The following CACNB2 variants were observed in gnomAD, a reference collection of about 807,000 sequenced individuals.
CACNB2 encodes calcium voltage-gated channel auxiliary subunit beta 2.
In CACNB2, 42 loss-of-function variants were observed where a neutral mutation model predicts 73.3. That is an observed-to-expected ratio of 0.57 (90% confidence interval 0.45 to 0.74). The LOEUF is 0.74. CACNB2 is among the 30% of genes least tolerant of loss of function. The pLI is 0.00. For synonymous variants in CACNB2, 348 were observed against 310.3 expected, an observed-to-expected ratio of 1.12 and a Z score of -1.28; for missense variants, 940 against 853.0, an observed-to-expected ratio of 1.10 and a Z score of -1.27.
chr10:18,473,326 A>G (rs1466383194), intron 3 of CACNB2, among the ~76,000 whole-genome samples: 1 of 152,236 alleles, frequency 6.6e-6, no homozygotes, highest in African/African-American at 2.4e-5. Context: ...GAATTGATAA[A>G]TACACAGGTA....
intron 2 of CACNB2, among the ~76,000 whole-genome samples, chr10:18,395,067 A>G (rs995074749): frequency 1.6e-4 from 25 of 152,188 alleles, no homozygotes; most frequent in African/African-American, 4.8e-4. Flanking sequence ...TGTGTATTCC[A>G]GGAGTGCCTG....
rs564342955 is a variant in CACNB2, at chr10:18,465,831, C to G, written c.334-32524C>G. ...CGAGTAGCTGGGATTACAGCATCCA[C>G]CACCTCGCCCAGCTAATTTTTGTAT... is the stretch of plus-strand genomic sequence containing the variant. On this transcript the variant is annotated intron_variant, in intron 3 of 13. Transcript: ENST00000324631. Among the ~76,000 whole-genome samples, 37 of 152,046 alleles carry G rather than the reference C, an allele frequency of 2.4e-4. 1 individual carries two copies. In the South Asian group the frequency reaches 7.5e-3, roughly 31 times the overall value.
chr10:18,489,546 G>T (rs12243506), intron 3 of CACNB2, among the ~76,000 whole-genome samples: 4 of 151,564 alleles, frequency 2.6e-5, no homozygotes, highest in African/African-American at 9.7e-5. Flanking sequence ...GAATAGCTGA[G>T]ACTACAAGCG....
intron 2 of CACNB2, among the ~76,000 whole-genome samples, chr10:18,167,020 C>G (rs2032905497): frequency 1.3e-5 from 2 of 152,178 alleles, no homozygotes; most frequent in Admixed American, 1.3e-4. Flanking sequence ...GACTGGAAAT[C>G]CTGGAAAGCC....
At chr10:18,385,284 GAAA>G (rs1249416987) in intron 2 of CACNB2, among the ~76,000 whole-genome samples, 1 of 136,438 alleles carries the variant, frequency 7.3e-6, no homozygotes, top group Non-Finnish European at 1.6e-5. Flanking sequence ...CTCTAAGAAG[GAAA>G]AAAAAAACGG....
chr10:18,498,205 G>C (rs377426835), intron 3 of CACNB2, 150 bp from the exon 4 acceptor site: 3 of 916,456 alleles, frequency 3.3e-6, no homozygotes, highest in East Asian at 2.7e-5. Context: ...TTTTGAATAC[G>C]AACAAGCTGT....
Position 18,140,716 on chromosome 10 carries a change from C to T in CACNB2, c.-21C>T. The T allele has an allele frequency of 1.3e-6, 2 of 1,583,780 alleles. No individual in the cohort carries two copies. The highest frequency in any genetic ancestry group is 1.7e-6 in the Non-Finnish European group (2 of 1,166,240). On this transcript the variant is annotated 5_prime_UTR_variant, in exon 1 of 14. Transcript: ENST00000324631. Reference sequence around the variant, plus strand: ...CCGCCGCCGGGGGCTGGCTGCTTCGCTCCGAGCCGACTTTTCGCCAATGGT... The same window carrying T: ...CCGCCGCCGGGGGCTGGCTGCTTCGTTCCGAGCCGACTTTTCGCCAATGGT...
chr10:18,539,141 A>G lies in CACNB2; in HGVS notation c.1489-89A>G, dbSNP rs183067087. 1.6e-3 allele frequency: 2,509 copies of G among 1,554,242 alleles called. 7 individuals carry two copies. The highest frequency in any genetic ancestry group is 1.9e-3 in the Non-Finnish European group (2,136 of 1,129,908). ...TCATTTCAGCTTTTCGGATGCTTAA[A>G]AAGGACTCTGCTTGAATGCACTTGC... On this transcript the variant is annotated intron_variant, in intron 13 of 13. Coordinates refer to ENST00000324631, the MANE Select transcript of CACNB2 (RefSeq NM_201596.3).
chr10:18,519,441 C>A (rs2051618150), intron 9 of CACNB2, among the ~76,000 whole-genome samples: 1 of 152,202 alleles, frequency 6.6e-6, no homozygotes, highest in Admixed American at 6.5e-5. Context: ...ATTTCTACAA[C>A]CCCGCCTGTG....
chr10:18,231,620 C>T (rs539354456), intron 2 of CACNB2, among the ~76,000 whole-genome samples: 209 of 152,280 alleles, frequency 1.4e-3, no homozygotes, highest in African/African-American at 4.7e-3. Context: ...CATAAAATGG[C>T]GCCTTATAGA....
chr10:18,476,034 G>GTTAA (rs1238230252), intron 3 of CACNB2, among the ~76,000 whole-genome samples: 7 of 152,196 alleles, frequency 4.6e-5, no homozygotes, highest in Non-Finnish European at 1.0e-4. Flanking sequence ...CAGCAGCATG[G>GTTAA]GCTGCTTAAC....
intron 3 of CACNB2, among the ~76,000 whole-genome samples, chr10:18,440,314 A>G (rs558008007): frequency 2.0e-5 from 3 of 152,166 alleles, no homozygotes; most frequent in Non-Finnish European, 2.9e-5. Context: ...TTGGGGGAAC[A>G]TGTTCAGTCC....
chr10:18,206,423 T>C (rs2035095268), intron 2 of CACNB2: 1 of 152,498 alleles, frequency 6.6e-6, no homozygotes, highest in African/African-American at 2.4e-5. Flanking sequence ...ATCCCTACTA[T>C]GTCCACCTCA....
At chr10:18,310,636 A>G (rs2039926592) in intron 2 of CACNB2, among the ~76,000 whole-genome samples, 1 of 150,274 alleles carries the variant, frequency 6.7e-6, no homozygotes, top group South Asian at 2.1e-4. Context: ...AAAGTAAAAA[A>G]AAAAAGAAAA....
chr10:18,293,046 T>A (rs1023317310), intron 2 of CACNB2, among the ~76,000 whole-genome samples: 2 of 152,232 alleles, frequency 1.3e-5, no homozygotes, highest in African/African-American at 4.8e-5. Context: ...AGGTTATTCT[T>A]ACTTTATATG....
chr10:18,528,128 C>T (rs1426251554), intron 10 of CACNB2, among the ~76,000 whole-genome samples: 1 of 152,102 alleles, frequency 6.6e-6, no homozygotes, highest in Non-Finnish European at 1.5e-5. Flanking sequence ...CATTATTATC[C>T]TAAATATTCC....
intron 2 of CACNB2, among the ~76,000 whole-genome samples, chr10:18,180,967 A>AAAAAC (rs369153880): frequency 5.3e-5 from 8 of 151,872 alleles, no homozygotes; most frequent in South Asian, 2.1e-4. Context: ...CTCCATCTCA[A>AAAAAC]AAAACAAAAC....
chr10:18,498,500 C>T (rs1219689804), intron 4 of CACNB2, 23 bp downstream of exon 4: 1 of 1,612,732 alleles, frequency 6.2e-7, no homozygotes, highest in African/African-American at 1.3e-5. Flanking sequence ...ATTTCATTTT[C>T]TAACAGCATG....
At chr10:18,371,983 T>G (rs2042604743) in intron 2 of CACNB2, among the ~76,000 whole-genome samples, 1 of 152,256 alleles carries the variant, frequency 6.6e-6, no homozygotes, top group Non-Finnish European at 1.5e-5. Flanking sequence ...ATGTGTCTTT[T>G]GCCTGCATAA....
Sources: allele counts gnomAD v4.1 joint callset (sites outside exome capture counted in the v4.1 genomes callset), GRCh38; gene constraint gnomAD v4.1.1; transcripts MANE v1.5; gene names NCBI Gene and HGNC (gene_info 2026-07-23, HGNC 2026-07-21).